Variants in POLE observed in about 807,000 individuals in gnomAD.
POLE encodes the protein DNA polymerase epsilon, catalytic subunit, also known as DNA polymerase epsilon catalytic subunit A.
POLE carries 188 observed loss-of-function variants against 279.2 expected under a neutral mutation model. The ratio of observed to expected loss-of-function variants is 0.67; its 90% confidence interval spans 0.60 to 0.76. The LOEUF (loss-of-function observed/expected upper bound fraction) is 0.76, where lower values mean the gene tolerates loss of function less well. Ranked by LOEUF, POLE falls within the 30% of genes least tolerant of loss-of-function variation. The probability of loss-of-function intolerance (pLI) is 0.00; values close to 1 mark genes in which losing one functional copy is unlikely to be tolerated. For missense variants in POLE, 2,703 were observed against 3,016.7 expected (o/e 0.90, Z 2.44); for synonymous variants, 1,214 against 1,172.5 (o/e 1.04, Z -0.72).
rs2043056179 is a variant in POLE, at chr12:132,676,541, C to T, written c.909+5G>A. 1 of 1,599,724 alleles carries T rather than the reference C, an allele frequency of 6.3e-7. No individual in the cohort carries two copies. Among genetic ancestry groups the T allele is most frequent in the Non-Finnish European group, 8.6e-7 (1 of 1,166,804 alleles). On this transcript the variant is annotated splice_donor_5th_base_variant and intron_variant, in intron 9 of 48. Transcript: ENST00000320574. The stretch of plus-strand genomic sequence containing the variant: ...GAGCTTACTTCCCAGAAGCCACCTG[C>T]TCACCTGGCCATCGATCATGTAGGA...
chr12:132,673,365 C>T (rs1355177371), intron 13 of POLE, 88 bp from the exon 14 acceptor site: 7 of 1,181,104 alleles, frequency 5.9e-6, no homozygotes, highest in Non-Finnish European at 8.9e-6. Context: ...CCTGGCCTGA[C>T]CAGCCTGCCG....
chr12:132,627,266 A>G (rs1362196144), intron 45 of POLE, among the ~76,000 whole-genome samples: 1 of 151,010 alleles, frequency 6.6e-6, no homozygotes, highest in African/African-American at 2.4e-5. Context: ...TGAGTGACAG[A>G]GTGAGACTCC....
chr12:132,632,038 G>C (rs1307389365), intron 45 of POLE, among the ~76,000 whole-genome samples: 4 of 152,168 alleles, frequency 2.6e-5, no homozygotes, highest in African/African-American at 9.7e-5. Context: ...ATAAATGTTG[G>C]TGGAATGAAC....
At chr12:132,643,603 G>A (rs2042207252) in intron 33 of POLE, 43 bp from the exon 34 acceptor site, 1 of 1,611,654 alleles carries the variant, frequency 6.2e-7, no homozygotes. Context: ...CTGGATGGTG[G>A]GGGCTCTGGC....
At chr12:132,625,379 C>T (rs2041813997) in intron 47 of POLE, 2 of 739,592 alleles carry the variant, frequency 2.7e-6, no homozygotes, top group Non-Finnish European at 5.0e-6. Flanking sequence ...CCTCTTCCTC[C>T]TTTCCTTCTC....
chr12:132,633,029 A>C, intron 43 of POLE: 1 of 508,434 alleles, frequency 2.0e-6, no homozygotes, highest in Non-Finnish European at 3.5e-6. Context: ...AAACTGTATA[A>C]ATGGGGCCAT....
In POLE at chr12:132,657,267, G is replaced by A. The variant is rs781372087; in HGVS notation, c.3460-9C>T. 13 of 1,614,042 alleles carry A rather than the reference G, an allele frequency of 8.1e-6. No individual in the cohort carries two copies. In the South Asian group the frequency reaches 1.4e-4, roughly 18 times the overall value. The stretch of plus-strand genomic sequence containing the variant: ...GGCACTGGGTTCTTTACCTGTGTGA[G>A]GCCAACACCCATCAGAGAGAGACCC... On this transcript the variant is annotated splice_polypyrimidine_tract_variant and intron_variant, in intron 28 of 48. Transcript: ENST00000320574.
Position 132,638,078 on chromosome 12 carries a change from T to C in POLE, c.5614A>G (p.Ile1872Val), listed in dbSNP as rs1401309769. Residue 1872 changes from isoleucine (I) to valine (V), a missense_variant, in exon 41 of 49, where the codon ATC becomes GTC. By Grantham distance (29) the Ile-to-Val change is conservative. Coordinates refer to ENST00000320574, the MANE Select transcript of POLE (RefSeq NM_006231.4). ...SVIYANFNRIILCTKKRRVED... is the reference protein window; with the variant it reads ...SVIYANFNRIVLCTKKRRVED... ...ACACGGCGCTTCTTTGTACAGAGGA[T>C]GATGCGGTTGAAGTTGGCGTAGATG... is the stretch of plus-strand genomic sequence containing the variant. 1 of 1,613,806 alleles carries C rather than the reference T, an allele frequency of 6.2e-7. No homozygotes were observed. The highest frequency in any genetic ancestry group is 8.5e-7 in the Non-Finnish European group (1 of 1,179,930).
rs901151677 is a variant in POLE, at chr12:132,677,842, T to C, written c.579-123A>G. 8 of 939,358 alleles carry C rather than the reference T, an allele frequency of 8.5e-6. No homozygotes were observed. In the African/African-American group the frequency reaches 9.9e-5, roughly 12 times the overall value. 58.2% of individuals were successfully genotyped at this position (939,358 alleles called of 1,614,324 possible). ...AAACCGAGGAAACACAAAAGGTAAA[T>C]TGATGTGGTTTCAACGACCAAGGCA... On this transcript the variant is annotated intron_variant, in intron 6 of 48. Transcript: ENST00000320574.
intron 20 of POLE, 25 bp from the exon 21 acceptor site, chr12:132,665,475 A>C: frequency 6.3e-7 from 1 of 1,588,702 alleles, no homozygotes; most frequent in Admixed American, 1.7e-5. Flanking sequence ...AACATGGAGC[A>C]CCTCACAGAT....
At chr12:132,674,781 G>A (rs1431394541) in intron 12 of POLE, among the ~76,000 whole-genome samples, 3 of 152,138 alleles carry the variant, frequency 2.0e-5, no homozygotes, top group Non-Finnish European at 4.4e-5. Flanking sequence ...GTGGCACTGT[G>A]CAGAATACAG....
rs2138606397 is a variant in POLE at position 132,649,364 on chromosome 12, C to G, written c.3947G>C (p.Gly1316Ala). ...GCGGGCAGTTCTTCGCAAGAAGCTCCCCAGCCCCGTGGCAGGACCATCCCG... is the reference window on the plus strand; with the variant it reads ...GCGGGCAGTTCTTCGCAAGAAGCTCGCCAGCCCCGTGGCAGGACCATCCCG... Reference protein sequence around the residue: ...AIRDGPATGLGSFLRRTARSI... With the variant: ...AIRDGPATGLASFLRRTARSI... Residue 1316 changes from glycine to alanine, a missense_variant, in exon 31 of 49, where the codon GGG becomes GCG. Gly to Ala is a moderately conservative substitution (Grantham distance 60). Around this residue, in one of 5 missense-constraint regions of POLE, gnomAD observed 1,551 missense variants for 1,686.1 expected, o/e 0.92. Transcript: ENST00000320574. 1 of 1,613,602 alleles carries G rather than the reference C, an allele frequency of 6.2e-7. No homozygotes were observed. The highest frequency in any genetic ancestry group is 8.5e-7 in the Non-Finnish European group (1 of 1,180,038).
At chr12:132,630,044 A>C (rs138281555) in intron 45 of POLE, among the ~76,000 whole-genome samples, 6 of 152,332 alleles carry the variant, frequency 3.9e-5, no homozygotes, top group African/African-American at 1.4e-4. Flanking sequence ...GAGTGGAGCA[A>C]TCAGGACACA....
At chr12:132,662,473 G>A (rs1296441117) in intron 23 of POLE, among the ~76,000 whole-genome samples, 2 of 152,200 alleles carry the variant, frequency 1.3e-5, no homozygotes, top group African/African-American at 4.8e-5. Flanking sequence ...AGACTCATGT[G>A]TTTAAATGCA....
At chr12:132,669,121 G>C (rs2042866380) in intron 16 of POLE, among the ~76,000 whole-genome samples, 182 bp from the exon 17 acceptor site, 1 of 152,090 alleles carries the variant, frequency 6.6e-6, no homozygotes, top group South Asian at 2.1e-4. Context: ...CATTAAATTT[G>C]GTGGAGTCAT....
Position 132,638,081 on chromosome 12 carries a change from T to C in POLE, c.5611A>G (p.Ile1871Val), listed in dbSNP as rs752955761. The C allele has an allele frequency of 6.8e-6, 11 of 1,613,820 alleles. No individual in the cohort carries two copies. The highest frequency in any genetic ancestry group is 9.3e-6 in the Non-Finnish European group (11 of 1,179,978). Residue 1871 changes from isoleucine (I) to valine (V), a missense_variant, in exon 41 of 49, where the codon ATC becomes GTC. This residue lies in a region of POLE where 1,551 missense variants were observed against 1,686.1 expected (regional missense o/e 0.92). Transcript: ENST00000320574. ...SSVIYANFNR[I>V]ILCTKKRRVE... ...CGGCGCTTCTTTGTACAGAGGATGATGCGGTTGAAGTTGGCGTAGATGACT... is the reference window on the plus strand; with the variant it reads ...CGGCGCTTCTTTGTACAGAGGATGACGCGGTTGAAGTTGGCGTAGATGACT...
At chr12:132,648,820 C>A in intron 32 of POLE, 109 bp downstream of exon 32, 1 of 1,192,798 alleles carries the variant, frequency 8.4e-7, no homozygotes, top group Non-Finnish European at 1.2e-6. Flanking sequence ...ATTCCTAGAA[C>A]ATCCCCATAA....
At chr12:132,670,861 C>A (rs2042912798) in intron 16 of POLE, among the ~76,000 whole-genome samples, 2 of 152,272 alleles carry the variant, frequency 1.3e-5, no homozygotes, top group South Asian at 4.1e-4. Context: ...TAAGAGTTCC[C>A]TGAAGTATAA....
intron 6 of POLE, among the ~76,000 whole-genome samples, chr12:132,678,842 T>C (rs1192213383): frequency 1.3e-5 from 2 of 152,328 alleles, no homozygotes; most frequent in East Asian, 1.9e-4. Flanking sequence ...GTCTCAGATA[T>C]GGCTCAAGTC....
Sources: allele counts gnomAD v4.1 joint callset (sites outside exome capture counted in the v4.1 genomes callset), GRCh38; gene constraint gnomAD v4.1.1; regional missense constraint gnomAD v4.1.1; transcripts MANE v1.5; gene names NCBI Gene and HGNC (gene_info 2026-07-23, HGNC 2026-07-21).